The following VPS13C variants were observed in gnomAD, a reference collection of about 807,000 sequenced individuals.
The protein encoded by VPS13C is intermembrane lipid transfer protein VPS13C.
A neutral mutation model predicts 456.8 loss-of-function variants in VPS13C; 358 were observed. That is an observed-to-expected ratio of 0.78 (90% CI 0.72 to 0.86). VPS13C has a LOEUF of 0.86. Among genes scored for constraint, VPS13C ranks in the 40% least tolerant of loss-of-function variants. The probability of loss-of-function intolerance (pLI) is 0.00; values close to 1 mark genes in which losing one functional copy is unlikely to be tolerated. For missense variants in VPS13C, 4,818 were observed against 4,385.4 expected (o/e 1.10, Z -2.79); for synonymous variants, 1,578 against 1,486.7 (o/e 1.06, Z -1.41).
rs773316538 is a variant in VPS13C, at chr15:61,911,960, T to C, written c.8595A>G (p.Ile2865Met). ...IKMSSFNLSR[I>M]VTLTPFCTIA... ...TGGTACAAAAGGGAGTCAGGGTAAC[T>C]ATTCGTGAAAGGTTGAAACTGCTCA... is the stretch of plus-strand genomic sequence containing the variant. Residue 2865 changes from isoleucine (I) to methionine (M), a missense_variant, in exon 63 of 85, where the codon ATA (isoleucine) becomes ATG (methionine). Physicochemically the swap from Ile to Met is conservative, Grantham distance 10 (BLOSUM62 1). This residue lies in a region of VPS13C where 4,552 missense variants were observed against 4,130.6 expected (regional missense o/e 1.10). Coordinates refer to ENST00000644861, the MANE Select transcript of VPS13C (RefSeq NM_020821.3). The C allele has an allele frequency of 6.2e-7, 1 of 1,611,400 alleles. No individual in the cohort carries two copies. Among genetic ancestry groups the C allele is most frequent in the Non-Finnish European group, 8.5e-7 (1 of 1,178,664 alleles).
chr15:62,009,733 A>G (rs1034204845), intron 13 of VPS13C, among the ~76,000 whole-genome samples: 2 of 152,202 alleles, frequency 1.3e-5, no homozygotes, highest in Admixed American at 1.3e-4. Flanking sequence ...TTTCACTTCC[A>G]GTTCACCAAG....
chr15:62,060,310 A>G lies in VPS13C; in HGVS notation c.65T>C (p.Leu22Pro). Residue 22 changes from leucine (L) to proline (P), a missense_variant, in exon 1 of 85, where the codon CTG (leucine) becomes CCG (proline). Transcript: ENST00000644861. ...GCCCAGCTTCAGCTGGGACTTGTTC[A>G]GGTTCTCCACATAGTCCCCCAGGAA... Reference protein sequence around the residue: ...NRFLGDYVENLNKSQLKLGIW... With the variant: ...NRFLGDYVENPNKSQLKLGIW... 1 of 1,607,702 alleles carries G rather than the reference A, an allele frequency of 6.2e-7. No homozygotes were observed.
At position 61,862,917 on chromosome 15, in the gene VPS13C, T is replaced by C. The variant is rs922461210; in HGVS notation, c.10952+523A>G. On this transcript the variant is annotated intron_variant, in intron 82 of 84. Coordinates refer to ENST00000644861, the MANE Select transcript of VPS13C (RefSeq NM_020821.3). Reference sequence around the variant, plus strand: ...TAATTGTCATTTTGGGATAATTTTATTATCTAGGATAGATCCCAGGAAAAT... The same window carrying C: ...TAATTGTCATTTTGGGATAATTTTACTATCTAGGATAGATCCCAGGAAAAT... Among the ~76,000 whole-genome samples the C allele has an allele frequency of 8.5e-5, 13 of 152,308 alleles. No homozygotes were observed. In the South Asian group the frequency reaches 2.5e-3, roughly 29 times the overall value.
At chr15:61,976,398 T>C (rs1043036988) in intron 24 of VPS13C, among the ~76,000 whole-genome samples, 1 of 152,090 alleles carries the variant, frequency 6.6e-6, no homozygotes, top group Non-Finnish European at 1.5e-5. Flanking sequence ...GTTAAAAGTC[T>C]AACATTCTAT....
At chr15:61,931,544 T>C (rs539077530) in intron 49 of VPS13C, among the ~76,000 whole-genome samples, 2 of 151,902 alleles carry the variant, frequency 1.3e-5, no homozygotes, top group Middle Eastern at 3.4e-3. Context: ...GAAAGAGCTG[T>C]CAATTCATCA....
intron 21 of VPS13C, 23 bp from the exon 22 acceptor site, chr15:61,981,501 C>T (rs2045886688): frequency 1.3e-6 from 2 of 1,554,738 alleles, no homozygotes; most frequent in Admixed American, 2.1e-5. Context: ...GAAATAATGA[C>T]AGATTAGATG....
intron 6 of VPS13C, among the ~76,000 whole-genome samples, chr15:62,027,506 G>T (rs2047677101): frequency 6.6e-6 from 1 of 152,088 alleles, no homozygotes; most frequent in Admixed American, 6.6e-5. Flanking sequence ...TGTAAAGCCT[G>T]TCATGAAAAT....
intron 6 of VPS13C, among the ~76,000 whole-genome samples, chr15:62,025,956 C>A (rs1272259080): frequency 6.6e-6 from 1 of 151,190 alleles, no homozygotes; most frequent in Non-Finnish European, 1.5e-5. Context: ...ATTTTTTAAA[C>A]ACAATGTTGT....
chr15:61,959,350 A>G (rs2045115076), intron 36 of VPS13C, 98 bp downstream of exon 36: 1 of 1,074,082 alleles, frequency 9.3e-7, no homozygotes, highest in Admixed American at 2.9e-5. Flanking sequence ...CTCTTATACT[A>G]TTCAGCAAAA....
At chr15:61,859,127 T>C (rs1315582480) in intron 82 of VPS13C, among the ~76,000 whole-genome samples, 1 of 152,130 alleles carries the variant, frequency 6.6e-6, no homozygotes, top group Non-Finnish European at 1.5e-5. Context: ...TCCCAGCACT[T>C]TGGGAGGCCA....
chr15:61,885,767 T>G (rs1333539966), intron 67 of VPS13C, among the ~76,000 whole-genome samples: 1 of 152,132 alleles, frequency 6.6e-6, no homozygotes, highest in African/African-American at 2.4e-5. Flanking sequence ...CATAATCAGT[T>G]GTATCTATCT....
intron 66 of VPS13C, among the ~76,000 whole-genome samples, chr15:61,893,229 G>A (rs1402729191): frequency 2.6e-5 from 4 of 152,092 alleles, no homozygotes; most frequent in Admixed American, 2.6e-4. Flanking sequence ...CCTAAAAGTG[G>A]CAAAAGAAAA....
intron 79 of VPS13C, among the ~76,000 whole-genome samples, chr15:61,870,150 C>T (rs1894908840): frequency 6.6e-6 from 1 of 152,162 alleles, no homozygotes; most frequent in African/African-American, 2.4e-5. Context: ...CAGACTTCTA[C>T]AACTATCACC....
intron 8 of VPS13C, among the ~76,000 whole-genome samples, chr15:62,022,630 G>A (rs969024870): frequency 6.6e-6 from 1 of 151,758 alleles, no homozygotes; most frequent in Non-Finnish European, 1.5e-5. Context: ...GACTTATCAA[G>A]TTACATAGGG....
chr15:61,882,398 G>A (rs751453310), intron 69 of VPS13C, among the ~76,000 whole-genome samples, 198 bp downstream of exon 69: 79 of 152,048 alleles, frequency 5.2e-4, no homozygotes, highest in Non-Finnish European at 1.6e-4. Context: ...CAGGCTAATC[G>A]ATCAAAATTA....
intron 48 of VPS13C, among the ~76,000 whole-genome samples, chr15:61,936,245 T>G (rs1368309722): frequency 6.6e-6 from 1 of 152,222 alleles, no homozygotes; most frequent in Non-Finnish European, 1.5e-5. Context: ...ATCACCTGAG[T>G]ATGACATGTG....
intron 40 of VPS13C, 112 bp downstream of exon 40, chr15:61,950,833 C>T: frequency 1.4e-6 from 1 of 726,424 alleles, no homozygotes; most frequent in Non-Finnish European, 2.1e-6. Flanking sequence ...TCACCATAAT[C>T]AATAAGTTTA....
intron 66 of VPS13C, among the ~76,000 whole-genome samples, chr15:61,901,903 A>C (rs1169475221): frequency 6.6e-6 from 1 of 152,142 alleles, no homozygotes; most frequent in Admixed American, 6.5e-5. Flanking sequence ...AAAATGTGGC[A>C]CATATACACC....
At chr15:61,926,450 A>G (rs148065364) in intron 52 of VPS13C, among the ~76,000 whole-genome samples, 1 of 152,326 alleles carries the variant, frequency 6.6e-6, no homozygotes, top group African/African-American at 2.4e-5. Context: ...TTTTGGTGAC[A>G]TGTATAAAGA....
Sources: allele counts gnomAD v4.1 joint callset (sites outside exome capture counted in the v4.1 genomes callset), GRCh38; gene constraint gnomAD v4.1.1; regional missense constraint gnomAD v4.1.1; transcripts MANE v1.5; gene names NCBI Gene and HGNC (gene_info 2026-07-23, HGNC 2026-07-21).